PDZRN3: variants seen among roughly 807,000 people sequenced by gnomAD.
The protein encoded by PDZRN3 is PDZ domain containing ring finger 3, also known as E3 ubiquitin-protein ligase PDZRN3.
In PDZRN3, 38 loss-of-function variants were observed where a neutral mutation model predicts 85.7. The ratio of observed to expected loss-of-function variants is 0.44; its 90% CI spans 0.34 to 0.58. PDZRN3 has a LOEUF of 0.58. Among genes scored for constraint, PDZRN3 ranks in the 20% least tolerant of loss-of-function variants. The pLI is 0.01. For missense variants in PDZRN3, 1,629 were observed against 1,506.4 expected (o/e 1.08, Z -1.35); for synonymous variants, 759 against 638.0 (o/e 1.19, Z -2.86).
At chr3:73,490,061 T>G (rs1156398537) in intron 3 of PDZRN3, among the ~76,000 whole-genome samples, 1 of 152,216 alleles carries the variant, frequency 6.6e-6, no homozygotes, top group East Asian at 1.9e-4. Context: ...AATCCTCTGA[T>G]GAACTGATTT....
At chr3:73,578,506 G>A (rs1224435938) in intron 3 of PDZRN3, among the ~76,000 whole-genome samples, 1 of 152,068 alleles carries the variant, frequency 6.6e-6, no homozygotes, top group East Asian at 1.9e-4. Context: ...TACTGTAACT[G>A]TTCCCGTTAC....
chr3:73,494,036 A>AT (rs1403025088), intron 3 of PDZRN3, among the ~76,000 whole-genome samples: 1 of 152,220 alleles, frequency 6.6e-6, no homozygotes, highest in Admixed American at 6.5e-5. Context: ...CAAGCTAGAT[A>AT]TCCTTGTATT....
At chr3:73,563,011 ATATTTT>A (rs1235870148) in intron 3 of PDZRN3, among the ~76,000 whole-genome samples, 11 of 38,208 alleles carry the variant, frequency 2.9e-4, no homozygotes, top group South Asian at 1.1e-3. Context: ...ATATATATAT[ATATTTT>A]TTTTTTTTTT....
chr3:73,551,688 C>CAAA lies in PDZRN3; in HGVS notation c.918+50663_918+50665dup, dbSNP rs71126878. ...TGGGCAACAGAGTGAGACCCTGTTTCAAAAAAAAAAAAAAAAAAAAGGAAA... is the reference window on the plus strand; with the variant it reads ...TGGGCAACAGAGTGAGACCCTGTTTCAAAAAAAAAAAAAAAAAAAAAAAGGAAA... On this transcript the variant is annotated intron_variant, in intron 3 of 9. Transcript: ENST00000263666. Among the ~76,000 whole-genome samples, 15 of 104,560 alleles carry CAAA rather than the reference C, an allele frequency of 1.4e-4. No homozygotes were observed. In the East Asian group the frequency reaches 2.4e-3, roughly 17 times the overall value. The allele number at this position is 104,560 out of a possible 152,430, so 68.6% of individuals were successfully genotyped here. A position where few individuals can be genotyped will look rare whatever the true frequency, so the allele number is the denominator to read the frequency against.
rs182579766 is a variant in PDZRN3, at chr3:73,465,846, T to C, written c.919-61451A>G. ...TTGTTGGTCACTAGGTGGATTCATT[T>C]ATCTCTCTTTTGAAAAACACATTGA... On this transcript the variant is annotated intron_variant, in intron 3 of 9. Coordinates refer to ENST00000263666, the MANE Select transcript of PDZRN3 (RefSeq NM_015009.3). 4.7e-4 allele frequency among the ~76,000 whole-genome samples: 71 copies of C among 152,378 alleles called. No homozygotes were observed. The East Asian group carries it at 0.013, about 27-fold the overall frequency.
intron 3 of PDZRN3, among the ~76,000 whole-genome samples, chr3:73,479,263 GA>G (rs1703515357): frequency 6.6e-6 from 1 of 152,010 alleles, no homozygotes; most frequent in African/African-American, 2.4e-5. Flanking sequence ...CCCCAAGGAA[GA>G]AAAGTTAAAT....
chr3:73,613,553 C>T (rs1032965717), intron 1 of PDZRN3, among the ~76,000 whole-genome samples: 3 of 151,874 alleles, frequency 2.0e-5, no homozygotes, highest in South Asian at 2.1e-4. Context: ...CAGTGGGTCT[C>T]GATGGATTGG....
chr3:73,466,147 G>A (rs1421370420), intron 3 of PDZRN3, among the ~76,000 whole-genome samples: 2 of 152,152 alleles, frequency 1.3e-5, no homozygotes, highest in Non-Finnish European at 1.5e-5. Flanking sequence ...GGAGCCTGCT[G>A]TAATTGGCAG....
chr3:73,479,630 C>A (rs1396864298), intron 3 of PDZRN3, among the ~76,000 whole-genome samples: 1 of 152,138 alleles, frequency 6.6e-6, no homozygotes, highest in East Asian at 1.9e-4. Context: ...GCTGAACAGG[C>A]CCAAGCCTTT....
At chr3:73,510,746 C>T (rs945846748) in intron 3 of PDZRN3, among the ~76,000 whole-genome samples, 1 of 152,130 alleles carries the variant, frequency 6.6e-6, no homozygotes, top group African/African-American at 2.4e-5. Context: ...GTACCTAACC[C>T]TACAAACATT....
rs574496483 is a variant in PDZRN3, at chr3:73,523,549, A to G, written c.918+78805T>C. On this transcript the variant is annotated intron_variant, in intron 3 of 9. Transcript: ENST00000263666. ...CAAACAACAAAAGCACTGTATAGGG[A>G]TTCTTTGCAGGAAGAAAAAAACCCA... 1.2e-4 allele frequency among the ~76,000 whole-genome samples: 19 copies of G among 152,302 alleles called. No homozygotes were observed. The East Asian group carries it at 2.3e-3, about 19-fold the overall frequency.
intron 2 of PDZRN3, among the ~76,000 whole-genome samples, chr3:73,605,151 G>C (rs1702578430): frequency 6.6e-6 from 1 of 151,284 alleles, no homozygotes; most frequent in South Asian, 2.1e-4. Context: ...AGGTTGCAGT[G>C]AGCCAAGATT....
chr3:73,537,490 T>C (rs1260628836), intron 3 of PDZRN3, among the ~76,000 whole-genome samples: 2 of 152,264 alleles, frequency 1.3e-5, no homozygotes, highest in Non-Finnish European at 2.9e-5. Context: ...TGGAAATGTG[T>C]TGATATTTGG....
At chr3:73,498,093 T>C (rs1198568534) in intron 3 of PDZRN3, among the ~76,000 whole-genome samples, 2 of 152,222 alleles carry the variant, frequency 1.3e-5, no homozygotes, top group Non-Finnish European at 2.9e-5. Flanking sequence ...ATCCTGGTTA[T>C]CTGCCTCTGT....
chr3:73,388,496 C>T (rs1701446985), intron 7 of PDZRN3, among the ~76,000 whole-genome samples: 1 of 152,116 alleles, frequency 6.6e-6, no homozygotes, highest in Non-Finnish European at 1.5e-5. Flanking sequence ...TAGAATTATA[C>T]ATGGTGTTTT....
intron 3 of PDZRN3, among the ~76,000 whole-genome samples, chr3:73,438,923 G>T (rs1436104632): frequency 6.6e-6 from 1 of 152,172 alleles, no homozygotes; most frequent in Non-Finnish European, 1.5e-5. Context: ...ACTGGGTCAG[G>T]TTCCTTCACA....
At chr3:73,520,272 A>G (rs1481094895) in intron 3 of PDZRN3, among the ~76,000 whole-genome samples, 1 of 152,090 alleles carries the variant, frequency 6.6e-6, no homozygotes, top group Non-Finnish European at 1.5e-5. Flanking sequence ...TGGGAGGCTG[A>G]GGTGGGAGGG....
intron 3 of PDZRN3, among the ~76,000 whole-genome samples, chr3:73,453,412 A>C (rs1263335438): frequency 3.7e-5 from 5 of 135,272 alleles, no homozygotes; most frequent in African/African-American, 5.4e-5. Context: ...CTCAAAAAAA[A>C]AAAAAAAAAA....
intron 1 of PDZRN3, among the ~76,000 whole-genome samples, chr3:73,612,368 T>C (rs1702697873): frequency 6.6e-6 from 1 of 152,164 alleles, no homozygotes; most frequent in African/African-American, 2.4e-5. Flanking sequence ...CTGTTCTAAA[T>C]CCTTCTGCCT....
Sources: gnomAD v4.1 joint callset for allele counts (sites outside exome capture counted in the v4.1 genomes callset) on GRCh38, gnomAD v4.1.1 for gene constraint, MANE v1.5 for transcripts, NCBI Gene and HGNC (gene_info 2026-07-23, HGNC 2026-07-21) for gene names.